RBFOX1: variants seen among roughly 807,000 people sequenced by gnomAD.
RBFOX1 encodes RNA binding protein fox-1 homolog 1.
Under a neutral mutation model 57.7 loss-of-function variants are expected in RBFOX1, and 8 were observed. The ratio of observed to expected loss-of-function variants is 0.14; its 90% confidence interval spans 0.08 to 0.25. The LOEUF (loss-of-function observed/expected upper bound fraction) is 0.25. Among genes scored for constraint, RBFOX1 ranks in the 10% least tolerant of loss-of-function variants. The pLI is 1.00. For synonymous variants in RBFOX1, 326 were observed against 222.4 expected (o/e 1.47, Z -4.15); for missense variants, 611 against 548.5 (o/e 1.11, Z -1.14).
At chr16:5,938,024 T>C (rs2059201910) in intron 4 of RBFOX1, among the ~76,000 whole-genome samples, 1 of 152,186 alleles carries the variant, frequency 6.6e-6, no homozygotes, top group African/African-American at 2.4e-5. Flanking sequence ...TATCTGTTTT[T>C]AATCCATCAG....
intron 3 of RBFOX1, among the ~76,000 whole-genome samples, chr16:6,869,760 C>T (rs1049500427): frequency 6.6e-6 from 1 of 152,130 alleles, no homozygotes; most frequent in Non-Finnish European, 1.5e-5. Context: ...GGGTAAAATT[C>T]TAAACAGCAT....
chr16:6,649,992 C>G (rs141680420), intron 2 of RBFOX1, among the ~76,000 whole-genome samples: 9 of 152,162 alleles, frequency 5.9e-5, no homozygotes, highest in African/African-American at 1.7e-4. Flanking sequence ...AGTTTGATTC[C>G]CTATCTTGGC....
exon 3 of RBFOX1, chr16:5,599,394 T>C (rs772270795): frequency 1.2e-5 from 7 of 589,896 alleles, no homozygotes; most frequent in South Asian, 2.1e-5. Flanking sequence ...CATCATGGCA[T>C]TGGGCTTGGA....
chr16:5,245,430 C>T (rs1439204635), intron 1 of RBFOX1, among the ~76,000 whole-genome samples: 1 of 152,134 alleles, frequency 6.6e-6, no homozygotes, highest in Non-Finnish European at 1.5e-5. Flanking sequence ...TGGGAGGCAT[C>T]CCAGGTAGCC....
intron 2 of RBFOX1, among the ~76,000 whole-genome samples, chr16:6,505,862 C>G (rs1382499175): frequency 1.3e-5 from 2 of 152,140 alleles, no homozygotes. Flanking sequence ...GGGTAAGGAG[C>G]TGGTGCCACT....
intron 3 of RBFOX1, among the ~76,000 whole-genome samples, chr16:6,878,259 T>C (rs1009868573): frequency 2.0e-5 from 3 of 152,202 alleles, no homozygotes; most frequent in African/African-American, 7.2e-5. Flanking sequence ...CTTGAAGTTC[T>C]TGTGATTTGA....
intron 2 of RBFOX1, among the ~76,000 whole-genome samples, chr16:5,582,885 CTT>C (rs539583990): frequency 1.2e-3 from 182 of 152,272 alleles, no homozygotes; most frequent in African/African-American, 4.2e-3. Flanking sequence ...TATCCTTAGG[CTT>C]ACCCTCTGTG....
chr16:7,120,045 TAAAC>T (rs1431378678), intron 4 of RBFOX1, among the ~76,000 whole-genome samples: 3 of 151,820 alleles, frequency 2.0e-5, no homozygotes, highest in Non-Finnish European at 2.9e-5. Flanking sequence ...TAACATAAAA[TAAAC>T]TGGAAAAAAT....
At chr16:6,745,099 C>T (rs1199333656) in intron 3 of RBFOX1, among the ~76,000 whole-genome samples, 2 of 151,870 alleles carry the variant, frequency 1.3e-5, no homozygotes, top group African/African-American at 2.4e-5. Flanking sequence ...TGGGTAAATT[C>T]CTTGAAAGAG....
At chr16:5,814,000 A>G (rs962669604) in intron 3 of RBFOX1, among the ~76,000 whole-genome samples, 1 of 152,272 alleles carries the variant, frequency 6.6e-6, no homozygotes, top group African/African-American at 2.4e-5. Context: ...TAATACAAGA[A>G]GTAACTTATT....
rs193012239 is a variant in RBFOX1, at chr16:7,173,154, G to T, written c.27+121056G>T. Among the ~76,000 whole-genome samples, 246 of 152,110 alleles carry T rather than the reference G, an allele frequency of 1.6e-3. 3 individuals are homozygous for T. The highest frequency in any genetic ancestry group is 2.8e-3 in the Non-Finnish European group (190 of 67,994). ...ATATTTCATAAAATCTTATTTTCTT[G>T]ACTTATAACAAAAATCATACAACTG... On this transcript the variant is annotated intron_variant, in intron 4 of 15. Transcript: ENST00000550418.
chr16:6,867,417 A>C (rs2060130158), intron 3 of RBFOX1, among the ~76,000 whole-genome samples: 1 of 151,654 alleles, frequency 6.6e-6, no homozygotes. Flanking sequence ...GAAACTAATG[A>C]GGATTAAGGG....
chr16:5,729,446 C>T (rs938707261), intron 3 of RBFOX1, among the ~76,000 whole-genome samples: 6 of 55,914 alleles, frequency 1.1e-4, no homozygotes, highest in Admixed American at 7.1e-4. Context: ...TTGTTTTTTT[C>T]GTTGAGCATC....
chr16:7,167,475 G>A (rs951259041), intron 4 of RBFOX1, among the ~76,000 whole-genome samples: 8 of 152,070 alleles, frequency 5.3e-5, no homozygotes, highest in South Asian at 2.1e-4. Flanking sequence ...GCAGCCACAA[G>A]CCAAGGATGC....
chr16:7,674,751 T>C (rs536273350), intron 13 of RBFOX1, among the ~76,000 whole-genome samples: 1 of 152,182 alleles, frequency 6.6e-6, no homozygotes, highest in Non-Finnish European at 1.5e-5. Context: ...GCATTTGATG[T>C]TTCTACTATA....
At chr16:7,153,915 C>A (rs893097125) in intron 4 of RBFOX1, among the ~76,000 whole-genome samples, 9 of 151,280 alleles carry the variant, frequency 5.9e-5, no homozygotes, top group Non-Finnish European at 1.0e-4. Flanking sequence ...AGGCATTAAA[C>A]CTGGTTTTAA....
intron 2 of RBFOX1, among the ~76,000 whole-genome samples, chr16:6,451,082 A>G (rs1209738215): frequency 1.3e-5 from 2 of 151,070 alleles, no homozygotes; most frequent in Non-Finnish European, 2.9e-5. Context: ...TGTCTCAGTT[A>G]CCCCGATGTC....
intron 3 of RBFOX1, among the ~76,000 whole-genome samples, chr16:5,853,472 G>T (rs756175967): frequency 2.1e-4 from 32 of 152,196 alleles, no homozygotes; most frequent in Admixed American, 1.5e-3. Context: ...TCGGACACAG[G>T]CCCCAGCCAG....
At chr16:6,148,802 T>C (rs1046710638) in intron 1 of RBFOX1, among the ~76,000 whole-genome samples, 1 of 152,200 alleles carries the variant, frequency 6.6e-6, no homozygotes, top group Non-Finnish European at 1.5e-5. Context: ...GGAGTGGGGA[T>C]GTTTTCCCTA....
Sources: gnomAD v4.1 joint callset for allele counts (sites outside exome capture counted in the v4.1 genomes callset) on GRCh38, gnomAD v4.1.1 for gene constraint, MANE v1.5 for transcripts, NCBI Gene and HGNC (gene_info 2026-07-23, HGNC 2026-07-21) for gene names.